CTNS: variants seen among roughly 807,000 people sequenced by gnomAD.
CTNS encodes cystinosin, lysosomal cystine transporter.
In CTNS, 27 loss-of-function variants were observed where a neutral mutation model predicts 43.7. The ratio of observed to expected loss-of-function variants is 0.62; its 90% confidence interval spans 0.46 to 0.85. CTNS has a LOEUF of 0.85. Ranked by LOEUF, CTNS falls within the 40% of genes least tolerant of loss-of-function variation. The probability of loss-of-function intolerance (pLI) is 0.00; values close to 1 mark genes in which losing one functional copy is unlikely to be tolerated. For synonymous variants in CTNS, 187 were observed against 190.6 expected (o/e 0.98, Z 0.16); for missense variants, 457 against 475.4 (o/e 0.96, Z 0.36).
rs2076260119 is a variant in CTNS at position 3,660,539 on chromosome 17, TCGTC to T, written c.*173_*176del. On this transcript the variant is annotated 3_prime_UTR_variant, in exon 12 of 12. Transcript: ENST00000046640. ...CCAGAGGCCATTCAATAGCCTGCCT[TCGTC>T]CGGGCCCCTCCTGGGCCTCCCCGGC... The T allele has an allele frequency of 1.2e-6, 2 of 1,612,644 alleles. No homozygotes were observed. Among genetic ancestry groups the T allele is most frequent in the Non-Finnish European group, 1.7e-6 (2 of 1,179,982 alleles).
chr17:3,642,590 G>A (rs974547135), intron 3 of CTNS, among the ~76,000 whole-genome samples: 1 of 152,124 alleles, frequency 6.6e-6, no homozygotes, highest in African/African-American at 2.4e-5. Flanking sequence ...AGGAGGCTGA[G>A]GTAGGAGAAT....
At chr17:3,649,360 G>A (rs917403246) in intron 5 of CTNS, among the ~76,000 whole-genome samples, 2 of 151,784 alleles carry the variant, frequency 1.3e-5, no homozygotes, top group Non-Finnish European at 2.9e-5. Flanking sequence ...GCTGAGGCAG[G>A]AGGATCACTT....
chr17:3,641,340 C>T (rs1431017444), intron 3 of CTNS, among the ~76,000 whole-genome samples: 3 of 117,498 alleles, frequency 2.6e-5, no homozygotes, highest in Admixed American at 9.6e-5. Flanking sequence ...CCTCTTGGGT[C>T]AAATACAAAA....
intron 2 of CTNS, among the ~76,000 whole-genome samples, chr17:3,638,593 C>G (rs527993645): frequency 6.6e-6 from 1 of 152,298 alleles, no homozygotes; most frequent in East Asian, 1.9e-4. Flanking sequence ...CGTTTTGTCT[C>G]TGCTGGCATC....
chr17:3,647,205 G>A (rs1445448046), intron 3 of CTNS, among the ~76,000 whole-genome samples: 1 of 152,170 alleles, frequency 6.6e-6, no homozygotes, highest in Non-Finnish European at 1.5e-5. Flanking sequence ...GCCTGTCATC[G>A]CAGCGGGAGG....
chr17:3,658,906 T>C (rs35109975), intron 10 of CTNS, among the ~76,000 whole-genome samples: 30,106 of 151,846 alleles, frequency 0.2, 3,228 homozygotes, highest in East Asian at 0.25. Context: ...AGTGAGGGGA[T>C]GTGGCTGGTT....
At chr17:3,641,375 TATATA>T (rs1458221822) in intron 3 of CTNS, among the ~76,000 whole-genome samples, 2,678 of 54,896 alleles carry the variant, frequency 0.049, 366 homozygotes, top group East Asian at 0.066. Flanking sequence ...TATATATATA[TATATA>T]TATATTTTTT....
At chr17:3,650,288 G>T in intron 5 of CTNS, 1 of 1,549,942 alleles carries the variant, frequency 6.5e-7, no homozygotes, top group East Asian at 2.4e-5. Flanking sequence ...AGTGAAACAC[G>T]ATCAGTCTCC....
At chr17:3,651,837 A>G (rs2075991784) in intron 5 of CTNS, among the ~76,000 whole-genome samples, 1 of 151,602 alleles carries the variant, frequency 6.6e-6, no homozygotes, top group African/African-American at 2.4e-5. Context: ...GCCAGGTGGT[A>G]GTGGTGTGCG....
intron 2 of CTNS, 43 bp from the exon 3 acceptor site, chr17:3,640,145 T>G: frequency 6.6e-7 from 1 of 1,520,764 alleles, no homozygotes; most frequent in Admixed American, 1.7e-5. Context: ...CTGAGCTGAT[T>G]CAACATTCCC....
intron 2 of CTNS, 27 bp from the exon 3 acceptor site, chr17:3,640,161 C>T: frequency 6.3e-7 from 1 of 1,579,358 alleles, no homozygotes; most frequent in Non-Finnish European, 8.7e-7. Flanking sequence ...TTCCCCTGAA[C>T]TTCTCTCTTG....
rs2075648568 is a variant in CTNS at position 3,640,104 on chromosome 17, A to G, written c.-19-84A>G. On this transcript the variant is annotated intron_variant, in intron 2 of 11. Coordinates refer to ENST00000046640, the MANE Select transcript of CTNS (RefSeq NM_004937.3). ...GGTGGCAGTCCTTTATGAGCCATCC[A>G]TGCTCCAGAGGGCAGATTGTCTACA... 1.7e-5 allele frequency: 19 copies of G among 1,116,218 alleles called. 1 individual carries two copies. Among genetic ancestry groups the G allele is most frequent in the South Asian group, 1.6e-4 (13 of 80,496 alleles). 69.1% of individuals were successfully genotyped at this position (1,116,218 alleles called of 1,614,324 possible).
intron 5 of CTNS, chr17:3,650,332 C>T (rs1249384211): frequency 1.7e-5 from 27 of 1,547,970 alleles, no homozygotes; most frequent in Non-Finnish European, 2.2e-5. Flanking sequence ...AAAAATATAG[C>T]ATCGCTGGCT....
chr17:3,659,336 G>C (rs1160782898), intron 10 of CTNS, among the ~76,000 whole-genome samples: 1 of 152,174 alleles, frequency 6.6e-6, no homozygotes, highest in African/African-American at 2.4e-5. Context: ...CCAGGCCTGT[G>C]GGGGGCGTTA....
At chr17:3,654,909 G>A (rs561289659) in intron 5 of CTNS, 89 bp from the exon 6 acceptor site, 201 of 944,754 alleles carry the variant, frequency 2.1e-4, no homozygotes, top group Non-Finnish European at 2.0e-4. Flanking sequence ...GCGTCCCTCC[G>A]TTCCCTAGCG....
intron 7 of CTNS, chr17:3,656,032 C>A: frequency 3.1e-6 from 1 of 319,548 alleles, no homozygotes; most frequent in South Asian, 2.7e-5. Context: ...CTGTCCCTCC[C>A]ATTCCCCACA....
At chr17:3,653,391 AAC>A (rs1056752386) in intron 5 of CTNS, among the ~76,000 whole-genome samples, 1 of 152,130 alleles carries the variant, frequency 6.6e-6, no homozygotes, top group African/African-American at 2.4e-5. Context: ...CCAGACTGGC[AAC>A]AGAGTGAGAT....
Position 3,640,272 on chromosome 17 carries a change from G to A in CTNS, c.61+5G>A, listed in dbSNP as rs1407498555. The A allele has an allele frequency of 6.2e-7, 1 of 1,613,494 alleles. No individual in the cohort carries two copies. Among genetic ancestry groups the A allele is most frequent in the Admixed American group, 1.7e-5 (1 of 60,028 alleles). The stretch of plus-strand genomic sequence containing the variant: ...TGAAGCTCGTAGAGAAATGTGGTAA[G>A]TTTAGAAATGACACGTCAACTTTGT... On this transcript the variant is annotated splice_donor_5th_base_variant and intron_variant, in intron 3 of 11. Transcript: ENST00000046640.
chr17:3,645,274 G>A (rs1479251056), intron 3 of CTNS, among the ~76,000 whole-genome samples: 1 of 152,212 alleles, frequency 6.6e-6, no homozygotes, highest in Non-Finnish European at 1.5e-5. Context: ...CTTGGCCTCT[G>A]CAAGGGCCAG....
Sources: allele counts gnomAD v4.1 joint callset (sites outside exome capture counted in the v4.1 genomes callset), GRCh38; gene constraint gnomAD v4.1.1; transcripts MANE v1.5; gene names NCBI Gene and HGNC (gene_info 2026-07-23, HGNC 2026-07-21).